The following LRP1B variants were observed in gnomAD, a reference collection of about 807,000 sequenced individuals.
The protein encoded by LRP1B is LDL receptor related protein 1B.
Under a neutral mutation model 556.6 loss-of-function variants are expected in LRP1B, and 217 were observed. That is an observed-to-expected ratio of 0.39 (90% CI 0.35 to 0.44). The LOEUF is 0.44. Ranked by LOEUF, LRP1B falls within the 20% of genes least tolerant of loss-of-function variation. The probability of loss-of-function intolerance (pLI) is 1.00; values close to 1 mark genes in which losing one functional copy is unlikely to be tolerated. For missense variants in LRP1B, 5,053 were observed against 5,620.8 expected (o/e 0.90, Z 3.23); for synonymous variants, 2,047 against 1,865.8 (o/e 1.10, Z -2.50).
At chr2:141,260,264 C>T (rs2105350062) in intron 3 of LRP1B, among the ~76,000 whole-genome samples, 1 of 152,260 alleles carries the variant, frequency 6.6e-6, no homozygotes, top group South Asian at 2.1e-4. Context: ...AATGTACATC[C>T]ACATTGAATT....
intron 7 of LRP1B, among the ~76,000 whole-genome samples, chr2:141,114,059 CAGG>C (rs781455376): frequency 1.3e-5 from 2 of 152,192 alleles, no homozygotes; most frequent in Non-Finnish European, 1.5e-5. Flanking sequence ...TATGGTGAAG[CAGG>C]AGAATTCACT....
At position 141,704,272 on chromosome 2, in the gene LRP1B, T is replaced by C. The variant is rs1276215403; in HGVS notation, c.205+106007A>G. Among the ~76,000 whole-genome samples, 4 of 152,008 alleles carry C rather than the reference T, an allele frequency of 2.6e-5. No homozygotes were observed. In the East Asian group the frequency reaches 7.7e-4, roughly 29 times the overall value. ...TTCTTTTCCGTTTCATTTACTAACC[T>C]TTTTCTTATTCAAAATGGTATCAGT... On this transcript the variant is annotated intron_variant, in intron 2 of 90. Transcript: ENST00000389484.
intron 41 of LRP1B, among the ~76,000 whole-genome samples, chr2:140,685,980 G>A (rs574839111): frequency 5.3e-5 from 8 of 152,074 alleles, no homozygotes; most frequent in African/African-American, 1.7e-4. Flanking sequence ...ACTGTGGGCT[G>A]CAGCGCAAAA....
intron 2 of LRP1B, among the ~76,000 whole-genome samples, chr2:141,621,481 A>G (rs1460865690): frequency 2.6e-5 from 4 of 152,202 alleles, no homozygotes; most frequent in Non-Finnish European, 4.4e-5. Flanking sequence ...TTGATTCATT[A>G]AGTGAATTTT....
chr2:141,417,732 G>T (rs1202152874), intron 3 of LRP1B, among the ~76,000 whole-genome samples: 2 of 146,858 alleles, frequency 1.4e-5, no homozygotes, highest in Non-Finnish European at 3.0e-5. Context: ...ACCCAAAGAA[G>T]TATTGCTGCA....
At chr2:141,433,804 C>T (rs764820109) in intron 3 of LRP1B, among the ~76,000 whole-genome samples, 3 of 151,272 alleles carry the variant, frequency 2.0e-5, no homozygotes, top group Non-Finnish European at 2.9e-5. Flanking sequence ...TAATGTTTTC[C>T]ATAAAATTAG....
At chr2:140,794,982 T>C (rs1249665505) in intron 32 of LRP1B, among the ~76,000 whole-genome samples, 1 of 152,188 alleles carries the variant, frequency 6.6e-6, no homozygotes, top group African/African-American at 2.4e-5. Flanking sequence ...AAGAAATAGT[T>C]TTCAATTTTT....
chr2:140,539,440 A>G (rs907990186), intron 45 of LRP1B, among the ~76,000 whole-genome samples: 2 of 152,120 alleles, frequency 1.3e-5, no homozygotes, highest in Admixed American at 6.6e-5. Flanking sequence ...GGGAAATCCA[A>G]TATCACTCTA....
chr2:140,617,855 A>T (rs1427789797), intron 41 of LRP1B, among the ~76,000 whole-genome samples: 1 of 152,054 alleles, frequency 6.6e-6, no homozygotes, highest in Admixed American at 6.6e-5. Flanking sequence ...GGAAAATTTT[A>T]AAAACTGTTG....
chr2:140,935,888 A>T (rs986930796), intron 20 of LRP1B, among the ~76,000 whole-genome samples: 1 of 151,914 alleles, frequency 6.6e-6, no homozygotes, highest in Non-Finnish European at 1.5e-5. Context: ...GCTGATACAC[A>T]CACACACATA....
chr2:140,484,942 G>A (rs6757691), intron 59 of LRP1B, among the ~76,000 whole-genome samples: 7,555 of 152,164 alleles, frequency 0.05, 231 homozygotes, highest in African/African-American at 0.056. Context: ...CTCCTGGTAT[G>A]AAGTGGTGCA....
At chr2:140,562,443 G>A (rs73961429) in intron 43 of LRP1B, among the ~76,000 whole-genome samples, 3 of 152,044 alleles carry the variant, frequency 2.0e-5, no homozygotes, top group African/African-American at 7.2e-5. Context: ...TGTGAGATTT[G>A]ATTCACAATT....
At chr2:142,075,540 A>T (rs549671035) in intron 1 of LRP1B, among the ~76,000 whole-genome samples, 5 of 152,216 alleles carry the variant, frequency 3.3e-5, no homozygotes, top group African/African-American at 1.2e-4. Flanking sequence ...TCTTTTAAAG[A>T]AGCACAGGGT....
chr2:141,209,026 T>C (rs1338044248), intron 6 of LRP1B, among the ~76,000 whole-genome samples: 2 of 151,140 alleles, frequency 1.3e-5, no homozygotes, highest in Non-Finnish European at 2.9e-5. Flanking sequence ...GTATTAGATA[T>C]ATACACTCAT....
intron 1 of LRP1B, among the ~76,000 whole-genome samples, chr2:141,903,927 C>T (rs183603223): frequency 2.5e-4 from 38 of 151,826 alleles, no homozygotes; most frequent in Middle Eastern, 3.4e-3. Context: ...AATGGAGAAG[C>T]CACGAAAACA....
chr2:141,365,482 GTTT>G (rs34195312), intron 3 of LRP1B, among the ~76,000 whole-genome samples: 10,843 of 138,308 alleles, frequency 0.078, 506 homozygotes, highest in African/African-American at 0.15. Flanking sequence ...GCTTAGAAGT[GTTT>G]TTTTTTTTTT....
chr2:141,379,342 TAA>T (rs541968006), intron 3 of LRP1B, among the ~76,000 whole-genome samples: 40 of 152,254 alleles, frequency 2.6e-4, no homozygotes, highest in African/African-American at 8.9e-4. Flanking sequence ...ACAAGTTCAT[TAA>T]TAGTAGATCT....
At chr2:141,599,066 C>CCCCCCG (rs1687638749) in intron 2 of LRP1B, among the ~76,000 whole-genome samples, 13 of 78,706 alleles carry the variant, frequency 1.7e-4, no homozygotes, top group Non-Finnish European at 1.9e-4. Flanking sequence ...CCCCCCCCCC[C>CCCCCCG]CCCCCCCCGC....
At chr2:140,385,003 A>T (rs1003005236) in intron 67 of LRP1B, among the ~76,000 whole-genome samples, 1 of 152,166 alleles carries the variant, frequency 6.6e-6, no homozygotes, top group African/African-American at 2.4e-5. Context: ...TGTCATCCCC[A>T]CACTTTGGGA....
Sources: allele counts gnomAD v4.1 joint callset (sites outside exome capture counted in the v4.1 genomes callset), GRCh38; gene constraint gnomAD v4.1.1; transcripts MANE v1.5; gene names NCBI Gene and HGNC (gene_info 2026-07-23, HGNC 2026-07-21).